The following MYO3A variants were observed in gnomAD, a reference collection of about 807,000 sequenced individuals.
MYO3A encodes myosin-IIIa.
MYO3A carries 180 observed loss-of-function variants against 192.7 expected under a neutral mutation model. The observed-to-expected ratio is 0.93, with a 90% CI of 0.83 to 1.06. The LOEUF (loss-of-function observed/expected upper bound fraction) is 1.06. MYO3A is among the 50% of genes least tolerant of loss of function. The pLI is 0.00. For synonymous variants in MYO3A, 628 were observed against 645.3 expected, an observed-to-expected ratio of 0.97 and a Z score of 0.41; for missense variants, 1,896 against 1,905.0, an observed-to-expected ratio of 1.00 and a Z score of 0.09.
chr10:26,132,476 A>G (rs1839597631), intron 20 of MYO3A, among the ~76,000 whole-genome samples: 1 of 152,206 alleles, frequency 6.6e-6, no homozygotes, highest in South Asian at 2.1e-4. Context: ...AATCCTGGGC[A>G]TGACTTTGAA....
At chr10:26,152,330 A>C (rs570399895) in intron 23 of MYO3A, among the ~76,000 whole-genome samples, 1 of 152,390 alleles carries the variant, frequency 6.6e-6, no homozygotes, top group South Asian at 2.1e-4. Context: ...ATAACAACAC[A>C]ATAAGGAGGC....
intron 2 of MYO3A, 77 bp downstream of exon 2, chr10:25,935,907 T>A (rs567483836): frequency 2.6e-4 from 39 of 152,332 alleles, no homozygotes; most frequent in African/African-American, 9.4e-4. Context: ...ATTGGGTGCA[T>A]GTTATTCGTG....
At chr10:26,049,050 A>T (rs1843806576) in intron 10 of MYO3A, among the ~76,000 whole-genome samples, 1 of 152,192 alleles carries the variant, frequency 6.6e-6, no homozygotes, top group Non-Finnish European at 1.5e-5. Flanking sequence ...TGTTTTGGAG[A>T]GAATAGTCAA....
intron 10 of MYO3A, among the ~76,000 whole-genome samples, chr10:26,045,854 G>T (rs1443805386): frequency 1.3e-5 from 2 of 152,142 alleles, no homozygotes; most frequent in Non-Finnish European, 2.9e-5. Context: ...CTACAAGGTT[G>T]TCCATGCTTC....
chr10:25,937,051 A>G (rs989593038), intron 2 of MYO3A, among the ~76,000 whole-genome samples: 1 of 141,186 alleles, frequency 7.1e-6, no homozygotes, highest in African/African-American at 2.8e-5. Context: ...GGCCTTTAGA[A>G]ATGTTTCTTT....
chr10:26,047,492 G>A lies in MYO3A; in HGVS notation c.954-19483G>A, dbSNP rs192183219. On this transcript the variant is annotated intron_variant, in intron 10 of 34. Transcript: ENST00000642920. Reference sequence around the variant, plus strand: ...GTGTCATAAGAAAAGACACATTTCCGGCCGGGCACAGTGGCTCACGCCTGT... The same window carrying A: ...GTGTCATAAGAAAAGACACATTTCCAGCCGGGCACAGTGGCTCACGCCTGT... 3.9e-4 allele frequency among the ~76,000 whole-genome samples: 60 copies of A among 152,176 alleles called. 1 individual carries two copies. The East Asian group carries it at 0.01, about 25-fold the overall frequency.
chr10:26,156,336 C>T (rs752523932), intron 25 of MYO3A, among the ~76,000 whole-genome samples: 7 of 152,134 alleles, frequency 4.6e-5, no homozygotes, highest in Non-Finnish European at 5.9e-5. Flanking sequence ...GGGATCCAGC[C>T]GTCAATTGCT....
chr10:26,027,431 A>G (rs530239243), intron 10 of MYO3A, among the ~76,000 whole-genome samples: 1 of 151,960 alleles, frequency 6.6e-6, no homozygotes. Flanking sequence ...TGTAGCCTCA[A>G]CCTCCTGGGT....
intron 20 of MYO3A, among the ~76,000 whole-genome samples, chr10:26,133,498 T>C (rs1011035090): frequency 6.6e-6 from 1 of 152,244 alleles, no homozygotes; most frequent in African/African-American, 2.4e-5. Context: ...CTTAGTCTGT[T>C]TCTCTTTCAT....
chr10:26,061,870 G>A (rs1245857608), intron 10 of MYO3A, among the ~76,000 whole-genome samples: 1 of 151,050 alleles, frequency 6.6e-6, no homozygotes, highest in South Asian at 2.1e-4. Flanking sequence ...GAAAATTCAG[G>A]GCCCTTCAAT....
In MYO3A at chr10:26,174,505, C is replaced by A; in HGVS notation, c.4241C>A (p.Ser1414Ter). The part of the protein sequence containing the change: ...NNIKKKDNKD[S>*]KATSEREACG... ...ATCAAGAAGAAGGATAACAAAGACT[C>A]GAAAGCAACTTCAGAAAGAGAAGCA... is the stretch of plus-strand genomic sequence containing the variant. The change falls in exon 30 of 35, where the codon TCG becomes TAG. Residue 1414 changes from serine to a stop codon, truncating the protein, a stop_gained. Coordinates refer to ENST00000642920, the MANE Select transcript of MYO3A (RefSeq NM_017433.5). LOFTEE classifies it high-confidence loss of function. 1.2e-6 allele frequency: 2 copies of A among 1,613,814 alleles called. No individual in the cohort carries two copies. The highest frequency in any genetic ancestry group is 2.2e-5 in the South Asian group (2 of 90,956).
At chr10:26,168,177 A>G (rs1231786562) in intron 27 of MYO3A, among the ~76,000 whole-genome samples, 6 of 152,146 alleles carry the variant, frequency 3.9e-5, no homozygotes, top group Admixed American at 2.0e-4. Flanking sequence ...TTCACTGACA[A>G]CAATACCAGC....
chr10:26,001,059 C>T (rs940892993), intron 6 of MYO3A, among the ~76,000 whole-genome samples: 2 of 152,220 alleles, frequency 1.3e-5, no homozygotes, highest in South Asian at 2.1e-4. Context: ...GAAATCTGCC[C>T]CCATGAACCA....
At chr10:26,094,074 A>T (rs763183355) in intron 15 of MYO3A, among the ~76,000 whole-genome samples, 12 of 152,236 alleles carry the variant, frequency 7.9e-5, no homozygotes, top group Admixed American at 2.0e-4. Flanking sequence ...TATTCACCTT[A>T]TCAAACTCTA....
chr10:26,030,490 C>G (rs528753111), intron 10 of MYO3A, among the ~76,000 whole-genome samples: 56 of 152,236 alleles, frequency 3.7e-4, no homozygotes, highest in African/African-American at 1.1e-3. Context: ...TCACACTAGT[C>G]CCAAAGTGTG....
intron 10 of MYO3A, among the ~76,000 whole-genome samples, chr10:26,030,989 G>A (rs757326525): frequency 3.9e-5 from 6 of 152,108 alleles, no homozygotes; most frequent in Non-Finnish European, 8.8e-5. Context: ...TTTTTCACAC[G>A]AGTTAAAATT....
At chr10:25,966,576 A>G (rs1461929923) in intron 4 of MYO3A, among the ~76,000 whole-genome samples, 1 of 152,072 alleles carries the variant, frequency 6.6e-6, no homozygotes, top group Non-Finnish European at 1.5e-5. Context: ...CTGAAAACAA[A>G]CAAAAAAAAA....
intron 4 of MYO3A, among the ~76,000 whole-genome samples, chr10:25,979,181 G>A (rs1045495837): frequency 6.6e-6 from 1 of 152,150 alleles, no homozygotes; most frequent in African/African-American, 2.4e-5. Context: ...TGCACTACAA[G>A]CCAACTCAGT....
chr10:26,052,220 A>G (rs542694542), intron 10 of MYO3A, among the ~76,000 whole-genome samples: 30 of 152,376 alleles, frequency 2.0e-4, no homozygotes, highest in East Asian at 3.9e-4. Context: ...ACTTTCATGT[A>G]TCACTTTTCC....
Sources: allele counts gnomAD v4.1 joint callset (sites outside exome capture counted in the v4.1 genomes callset), GRCh38; gene constraint gnomAD v4.1.1; transcripts MANE v1.5; gene names NCBI Gene and HGNC (gene_info 2026-07-23, HGNC 2026-07-21).